SULF2: variants seen among roughly 807,000 people sequenced by gnomAD.
SULF2 encodes the protein extracellular sulfatase Sulf-2.
A neutral mutation model predicts 107.7 loss-of-function variants in SULF2; 52 were observed. The observed-to-expected ratio is 0.48, with a 90% confidence interval of 0.39 to 0.61. The LOEUF is 0.61. Ranked by LOEUF, SULF2 falls within the 20% of genes least tolerant of loss-of-function variation. SULF2 has a pLI of 0.00. For missense variants in SULF2, 993 were observed against 1,177.3 expected (o/e 0.84, Z 2.29); for synonymous variants, 460 against 464.3 (o/e 0.99, Z 0.12).
In SULF2 at chr20:47,664,020, A is replaced by T. The variant is rs2087180106; in HGVS notation, c.2057+110T>A. ...CTTCGAGGGCTACCGTGGACTTCCC[A>T]GGGAAGGGCCTGGACTTCTTTCCTT... On this transcript the variant is annotated intron_variant, in intron 15 of 20. Transcript: ENST00000688720. 4 of 1,210,432 alleles carry T rather than the reference A, an allele frequency of 3.3e-6. No individual in the cohort carries two copies. In the South Asian group the frequency reaches 5.4e-5, roughly 16 times the overall value. 75.0% of individuals were successfully genotyped at this position (1,210,432 alleles called of 1,614,324 possible). A position where few individuals can be genotyped will look rare whatever the true frequency, so the allele number is the denominator to read the frequency against.
intron 4 of SULF2, among the ~76,000 whole-genome samples, chr20:47,698,415 A>G (rs1283887047): frequency 6.6e-6 from 1 of 152,136 alleles, no homozygotes; most frequent in Non-Finnish European, 1.5e-5. Flanking sequence ...AATGAGATGC[A>G]CTGAGACTCT....
rs892418445 is a variant in SULF2 at position 47,756,192 on chromosome 20, A to G, written c.175+997T>C. On this transcript the variant is annotated intron_variant, in intron 2 of 20. Coordinates refer to ENST00000688720, the MANE Select transcript of SULF2 (RefSeq NM_001387048.1). Reference sequence around the variant, plus strand: ...TGCTGCCTGCAAGACCCCTCTGCAAAATTCTTCAAGAAACGAAACACACCT... The same window carrying G: ...TGCTGCCTGCAAGACCCCTCTGCAAGATTCTTCAAGAAACGAAACACACCT... Among the ~76,000 whole-genome samples, 3 of 152,078 alleles carry G rather than the reference A, an allele frequency of 2.0e-5. No homozygotes were observed. In the East Asian group the frequency reaches 5.8e-4, roughly 29 times the overall value.
At position 47,765,224 on chromosome 20, in the gene SULF2, G is replaced by A. The variant is rs189526140; in HGVS notation, c.-100-7761C>T. The stretch of plus-strand genomic sequence containing the variant: ...AAAAAAATTAGCTGGGCGTGGTGGC[G>A]GGCGCCTGTAGTCCCAGCTACTTGG... On this transcript the variant is annotated intron_variant, in intron 1 of 20. Transcript: ENST00000688720. Among the ~76,000 whole-genome samples, 535 of 152,084 alleles carry A rather than the reference G, an allele frequency of 3.5e-3. 6 individuals are homozygous for A. The highest frequency in any genetic ancestry group is 0.012 in the African/African-American group (503 of 41,492).
intron 2 of SULF2, among the ~76,000 whole-genome samples, chr20:47,748,674 G>C (rs2090099148): frequency 1.3e-5 from 2 of 152,266 alleles, no homozygotes; most frequent in South Asian, 4.1e-4. Context: ...GGATTTGACT[G>C]ACAAGGGCCC....
intron 3 of SULF2, among the ~76,000 whole-genome samples, chr20:47,708,484 A>G (rs1163215936): frequency 6.6e-6 from 1 of 152,094 alleles, no homozygotes; most frequent in Non-Finnish European, 1.5e-5. Flanking sequence ...TGCATGCCAG[A>G]TTTTGCCTTT....
intron 1 of SULF2, among the ~76,000 whole-genome samples, chr20:47,784,367 G>C (rs1186858101): frequency 1.3e-5 from 2 of 152,070 alleles, no homozygotes; most frequent in East Asian, 3.9e-4. Context: ...TCCAGAAAGG[G>C]GGGCAGGGAA....
chr20:47,684,560 C>A lies in SULF2; in HGVS notation c.759G>T (p.Ala253=), dbSNP rs536732621. The A allele has an allele frequency of 6.2e-7, 1 of 1,613,854 alleles. No homozygotes were observed. Among genetic ancestry groups the A allele is most frequent in the Non-Finnish European group, 8.5e-7 (1 of 1,179,874 alleles). The stretch of plus-strand genomic sequence containing the variant: ...TGATCCAGTGTTTGTCCGGGTTGGG[C>A]GCGTAGTTGTAGCTCGGCGTGCTGG... The part of the protein sequence containing the change: ...SQHITPSYNY[A]PNPDKHWIMR... Residue 253 remains alanine, a synonymous_variant, in exon 6 of 21, where the codon GCG becomes GCT. Coordinates refer to ENST00000688720, the MANE Select transcript of SULF2 (RefSeq NM_001387048.1).
chr20:47,663,238 T>G (rs1172785396), intron 16 of SULF2, 26 bp from the exon 17 acceptor site: 1 of 1,613,096 alleles, frequency 6.2e-7, no homozygotes, highest in Non-Finnish European at 8.5e-7. Context: ...GAGCATGTCC[T>G]GAGTGCCTGC....
At chr20:47,671,779 A>G (rs954422276) in intron 11 of SULF2, among the ~76,000 whole-genome samples, 4 of 152,054 alleles carry the variant, frequency 2.6e-5, no homozygotes, top group African/African-American at 9.7e-5. Context: ...CAGTGGCACA[A>G]TCTCGGGTCA....
chr20:47,779,397 C>G (rs2090781826), intron 1 of SULF2, among the ~76,000 whole-genome samples: 1 of 152,124 alleles, frequency 6.6e-6, no homozygotes, highest in African/African-American at 2.4e-5. Context: ...TGGGCCCTAC[C>G]TCCAAAATAC....
chr20:47,728,718 T>C (rs1403454433), intron 3 of SULF2, among the ~76,000 whole-genome samples: 3 of 151,626 alleles, frequency 2.0e-5, no homozygotes, highest in Non-Finnish European at 4.4e-5. Flanking sequence ...TGATCTCGGC[T>C]CACTGCAACC....
chr20:47,717,281 G>A lies in SULF2; in HGVS notation c.416-14611C>T, dbSNP rs541829385. 3.3e-5 allele frequency among the ~76,000 whole-genome samples: 5 copies of A among 152,252 alleles called. No individual in the cohort carries two copies. In the South Asian group the frequency reaches 1.0e-3, roughly 32 times the overall value. On this transcript the variant is annotated intron_variant, in intron 3 of 20. Coordinates refer to ENST00000688720, the MANE Select transcript of SULF2 (RefSeq NM_001387048.1). ...TTTTTTTGGTCCCTATTTTACAGAT[G>A]GAGAAACTGAGGCACAGAGAGGCAA...
chr20:47,764,231 CTTTA>C (rs2090478824), intron 1 of SULF2, among the ~76,000 whole-genome samples: 1 of 152,240 alleles, frequency 6.6e-6, no homozygotes, highest in South Asian at 2.1e-4. Context: ...CAGCTAGCTC[CTTTA>C]TTTCTTTGCG....
intron 18 of SULF2, 153 bp downstream of exon 18, chr20:47,661,620 C>T (rs2087069631): frequency 1.5e-6 from 1 of 674,892 alleles, no homozygotes; most frequent in Admixed American, 3.3e-5. Context: ...CATCTGCCTG[C>T]TATGGACAGG....
At chr20:47,689,598 G>C (rs940305247) in intron 5 of SULF2, 22 of 152,252 alleles carry the variant, frequency 1.4e-4, no homozygotes, top group African/African-American at 4.8e-4. Flanking sequence ...GACACCGTGA[G>C]ATAATTTGTG....
chr20:47,766,308 C>T (rs561927380), intron 1 of SULF2, among the ~76,000 whole-genome samples: 6 of 152,348 alleles, frequency 3.9e-5, no homozygotes, highest in African/African-American at 1.4e-4. Flanking sequence ...CAGCTTCTCC[C>T]TGTCTCCCCT....
chr20:47,745,851 T>A (rs573346947), intron 2 of SULF2, among the ~76,000 whole-genome samples: 5 of 152,278 alleles, frequency 3.3e-5, no homozygotes, highest in African/African-American at 9.6e-5. Flanking sequence ...TTTCAACAAG[T>A]ATCGTCTCAC....
rs1342480404 is a variant in SULF2 at position 47,731,182 on chromosome 20, C to CTTTTTTTTTTTTTTTTTTT, written c.415+5520_415+5521insAAAAAAAAAAAAAAAAAAA. ...GACTCTGCCTGCTACTCACCTGTATCTTCTCTTTTTTTTTTTTTTTTTTTT... is the reference window on the plus strand; with the variant it reads ...GACTCTGCCTGCTACTCACCTGTATCTTTTTTTTTTTTTTTTTTTTTCTCTTTTTTTTTTTTTTTTTTTT... On this transcript the variant is annotated intron_variant, in intron 3 of 20. Transcript: ENST00000688720. Among the ~76,000 whole-genome samples, 27 of 99,584 alleles carry CTTTTTTTTTTTTTTTTTTT rather than the reference C, an allele frequency of 2.7e-4. 1 individual carries two copies. The highest frequency in any genetic ancestry group is 3.5e-4 in the Non-Finnish European group (19 of 54,032). The allele number at this position is 99,584 out of a possible 152,430, so 65.3% of individuals were successfully genotyped here. A position where few individuals can be genotyped will look rare whatever the true frequency, so the allele number is the denominator to read the frequency against.
intron 2 of SULF2, 42 bp from the exon 3 acceptor site, chr20:47,736,984 CG>C: frequency 1.2e-6 from 2 of 1,609,288 alleles, no homozygotes; most frequent in Non-Finnish European, 1.7e-6. Context: ...GCAGGAGACC[CG>C]GGCGGCACCG....
Sources: allele counts gnomAD v4.1 joint callset (sites outside exome capture counted in the v4.1 genomes callset), GRCh38; gene constraint gnomAD v4.1.1; transcripts MANE v1.5; gene names NCBI Gene and HGNC (gene_info 2026-07-23, HGNC 2026-07-21).